Variants in FAT1 observed in about 807,000 individuals in gnomAD.
FAT1 encodes the protein FAT atypical cadherin 1.
A neutral mutation model predicts 329.8 loss-of-function variants in FAT1; 171 were observed. The ratio of observed to expected loss-of-function variants is 0.52; its 90% CI spans 0.46 to 0.59. The LOEUF (loss-of-function observed/expected upper bound fraction) is 0.59. FAT1 is among the 20% of genes least tolerant of loss of function. FAT1 has a pLI of 0.00. For missense variants in FAT1, 5,672 were observed against 5,774.4 expected (o/e 0.98, Z 0.57); for synonymous variants, 2,233 against 2,228.6 (o/e 1.00, Z -0.06).
At chr4:186,719,724 C>T (rs1182446478) in intron 1 of FAT1, among the ~76,000 whole-genome samples, 3 of 152,216 alleles carry the variant, frequency 2.0e-5, no homozygotes. Context: ...ATCTTTACAG[C>T]CTCCTGGCTC....
Position 186,663,607 on chromosome 4 carries a change from A to G in FAT1, c.3272T>C (p.Ile1091Thr). 1.9e-6 allele frequency: 3 copies of G among 1,605,920 alleles called. No homozygotes were observed. Among genetic ancestry groups the G allele is most frequent in the African/African-American group, 2.7e-5 (2 of 74,998 alleles). Residue 1091 changes from isoleucine to threonine, a missense_variant, in exon 3 of 27, where the codon ATA becomes ACA. Ile to Thr is a moderately conservative substitution (Grantham distance 89). Around this residue, in one of 2 missense-constraint regions of FAT1, gnomAD observed 3,966 missense variants for 3,915.2 expected, o/e 1.01. Coordinates refer to ENST00000441802, the MANE Select transcript of FAT1 (RefSeq NM_005245.4). ...VFKIGEETGV[I>T]ETSDRLDRES... ...ACGGTCCAGTCGATCTGACGTCTCT[A>G]TGACACCTACAGAGAAAAAAGAAAA...
At position 186,620,295 on chromosome 4, in the gene FAT1, G is replaced by C; in HGVS notation, c.6291C>G (p.Gly2097=). 3 of 1,613,932 alleles carry C rather than the reference G, an allele frequency of 1.9e-6. No homozygotes were observed. The highest frequency in any genetic ancestry group is 1.3e-5 in the African/African-American group (1 of 75,030). The change falls in exon 10 of 27, where the codon GGC becomes GGG. Residue 2097 remains glycine (G), a synonymous_variant. Transcript: ENST00000441802. ...CAGCAGTGACATAGCGAATGACATGGCCCACCTCAGTGTCCACTTTAACAA... is the reference window on the plus strand; with the variant it reads ...CAGCAGTGACATAGCGAATGACATGCCCCACCTCAGTGTCCACTTTAACAA... The part of the protein sequence containing the change: ...YAVVKVDTEV[G]HVIRYVTAVD...
At chr4:186,641,579 T>G (rs547949972) in intron 3 of FAT1, among the ~76,000 whole-genome samples, 1 of 152,266 alleles carries the variant, frequency 6.6e-6, no homozygotes, top group African/African-American at 2.4e-5. Context: ...AACAGTATTC[T>G]TCTGCAGAGC....
chr4:186,633,891 C>G, intron 6 of FAT1, 68 bp from the exon 7 acceptor site: 1 of 1,562,624 alleles, frequency 6.4e-7, no homozygotes, highest in Non-Finnish European at 8.8e-7. Flanking sequence ...CTGTGGCTTT[C>G]TCATACTTAA....
At position 186,708,513 on chromosome 4, in the gene FAT1, T is replaced by C. The variant is rs764295955; in HGVS notation, c.1315A>G (p.Thr439Ala). ...QQAAHFELEV[T>A]TSDRKASTKV... Reference sequence around the variant, plus strand: ...GTGGACGCTTTTCTGTCACTTGTTGTTACTTCAAGTTCAAAATGGGCTGCC... The same window carrying C: ...GTGGACGCTTTTCTGTCACTTGTTGCTACTTCAAGTTCAAAATGGGCTGCC... Residue 439 changes from threonine (T) to alanine (A), a missense_variant, in exon 2 of 27, where the codon ACA becomes GCA. Transcript: ENST00000441802. The C allele has an allele frequency of 1.2e-6, 2 of 1,614,002 alleles. No homozygotes were observed. Among genetic ancestry groups the C allele is most frequent in the Non-Finnish European group, 1.7e-6 (2 of 1,179,886 alleles).
At chr4:186,724,268 G>T (rs966428132), upstream of FAT1, among the ~76,000 whole-genome samples, 1 of 151,358 alleles carries the variant, frequency 6.6e-6, no homozygotes, top group African/African-American at 2.4e-5. The surrounding 1 kb of genome is among the most constrained non-coding windows in gnomAD (Gnocchi z 5.3). Context: ...AGCCTTCTGG[G>T]AGCCCCTGAA....
chr4:186,665,175 C>A (rs1742371984), intron 2 of FAT1, among the ~76,000 whole-genome samples: 1 of 152,144 alleles, frequency 6.6e-6, no homozygotes, highest in African/African-American at 2.4e-5. Flanking sequence ...CATACTGAAC[C>A]TTCAGAAAGG....
At chr4:186,684,066 T>C (rs1038303717) in intron 2 of FAT1, among the ~76,000 whole-genome samples, 1 of 152,074 alleles carries the variant, frequency 6.6e-6, no homozygotes, top group Non-Finnish European at 1.5e-5. Context: ...AAATTAACAG[T>C]TTAAATAGAA....
rs1744622063 is a variant in FAT1 at position 186,706,665 on chromosome 4, T to A, written c.3163A>T (p.Thr1055Ser). ...GCGTCCTCATCATGAGCCGACACCG[T>A]CATTACCAATGAACCAACAGGTGCA... ...EDAPVGSLVMTVSAHDEDARR... is the reference protein window; with the variant it reads ...EDAPVGSLVMSVSAHDEDARR... Residue 1055 changes from threonine (T) to serine (S), a missense_variant, in exon 2 of 27, where the codon ACG becomes TCG. Thr to Ser is a moderately conservative substitution (Grantham distance 58). Coordinates refer to ENST00000441802, the MANE Select transcript of FAT1 (RefSeq NM_005245.4). 6.2e-7 allele frequency: 1 copy of A among 1,613,838 alleles called. No individual in the cohort carries two copies. Among genetic ancestry groups the A allele is most frequent in the South Asian group, 1.1e-5 (1 of 91,072 alleles).
chr4:186,634,514 C>T (rs894976806), intron 6 of FAT1, among the ~76,000 whole-genome samples: 10 of 151,950 alleles, frequency 6.6e-5, no homozygotes, highest in Admixed American at 3.9e-4. Context: ...CAAAACAACA[C>T]ACACGACGTC....
At chr4:186,635,883 A>G (rs776634730) in intron 6 of FAT1, 142 bp downstream of exon 6, 13 of 697,542 alleles carry the variant, frequency 1.9e-5, no homozygotes, top group Non-Finnish European at 2.6e-5. Flanking sequence ...CAATCAAAAT[A>G]TTATAGTTGA....
In FAT1 at chr4:186,597,800, G is replaced by A. The variant is rs2126400222; in HGVS notation, c.12258-8C>T. ...TATGGACTAAGCTGACACCTGAAGA[G>A]TAAGGAGAAACAGACATAAACCTCA... On this transcript the variant is annotated splice_region_variant and splice_polypyrimidine_tract_variant and intron_variant, in intron 23 of 26. Transcript: ENST00000441802. The A allele has an allele frequency of 6.2e-7, 1 of 1,609,016 alleles. No homozygotes were observed. The highest frequency in any genetic ancestry group is 8.5e-7 in the Non-Finnish European group (1 of 1,175,512).
chr4:186,724,905 A>G (rs550694469), upstream of FAT1, among the ~76,000 whole-genome samples: 1 of 152,344 alleles, frequency 6.6e-6, no homozygotes, highest in Admixed American at 6.5e-5. The surrounding 1 kb of genome is among the most constrained non-coding windows in gnomAD (Gnocchi z 5.3). Context: ...GGGGAACGGC[A>G]GGGCAGTCAA....
intron 3 of FAT1, among the ~76,000 whole-genome samples, chr4:186,659,686 G>A (rs960092410): frequency 6.6e-6 from 1 of 151,472 alleles, no homozygotes; most frequent in East Asian, 2.0e-4. Flanking sequence ...TGTGGCACCT[G>A]TCCCCTGAAC....
rs10001377 is a variant in FAT1 at position 186,639,926 on chromosome 4, A to G, written c.3581-143T>C. ...GGAGGCCCAGGGGGGTGGATTACTT[A>G]AGGTCAGGAGTTGGAGGCCAGCCTG... On this transcript the variant is annotated intron_variant, in intron 3 of 26. Transcript: ENST00000441802. 0.45 allele frequency: 280,641 copies of G among 629,158 alleles called. 64,341 individuals carry two copies. The highest frequency in any genetic ancestry group is 0.6 in the East Asian group (21,856 of 36,208). The allele number at this position is 629,158 out of a possible 1,614,324, so 39.0% of individuals were successfully genotyped here.
intron 18 of FAT1, 39 bp from the exon 19 acceptor site, chr4:186,604,016 C>T (rs763537042): frequency 4.0e-6 from 6 of 1,484,370 alleles, no homozygotes; most frequent in Middle Eastern, 3.5e-4. Flanking sequence ...TTGTCTATGG[C>T]ACTGTTTATA....
intron 1 of FAT1, among the ~76,000 whole-genome samples, chr4:186,721,536 C>T (rs1745469827): frequency 6.6e-6 from 1 of 152,222 alleles, no homozygotes. Context: ...ACAGCACATC[C>T]AGCCTTACGG....
At chr4:186,605,508 A>AGGAGGGGGGAGG (rs1739079814) in intron 17 of FAT1, among the ~76,000 whole-genome samples, 6 of 100,734 alleles carry the variant, frequency 6.0e-5, no homozygotes, top group Admixed American at 1.1e-4. Flanking sequence ...AGGGAAGAGG[A>AGGAGGGGGGAGG]GGAGTGGGGA....
chr4:186,646,402 T>A (rs1047030992), intron 3 of FAT1, among the ~76,000 whole-genome samples: 5 of 152,220 alleles, frequency 3.3e-5, no homozygotes, highest in African/African-American at 1.2e-4. Context: ...AAAAGCACTG[T>A]CCAACAGAAA....
Sources: allele counts gnomAD v4.1 joint callset (sites outside exome capture counted in the v4.1 genomes callset), GRCh38; gene constraint gnomAD v4.1.1; regional missense constraint gnomAD v4.1.1; non-coding constraint Gnocchi (gnomAD v3.1); transcripts MANE v1.5; gene names NCBI Gene and HGNC (gene_info 2026-07-23, HGNC 2026-07-21).